Variants in DNAJC1 observed in about 807,000 individuals in gnomAD.
DNAJC1 encodes dnaJ homolog subfamily C member 1.
Under a neutral mutation model 76.6 loss-of-function variants are expected in DNAJC1, and 58 were observed. The observed-to-expected ratio is 0.76, with a 90% CI of 0.61 to 0.94. DNAJC1 has a LOEUF of 0.94. Among genes scored for constraint, DNAJC1 ranks in the 40% least tolerant of loss-of-function variants. The pLI is 0.00. For missense variants in DNAJC1, 689 were observed against 677.3 expected (o/e 1.02, Z -0.19); for synonymous variants, 258 against 267.9 (o/e 0.96, Z 0.36).
intron 1 of DNAJC1, among the ~76,000 whole-genome samples, chr10:21,964,277 C>T (rs1223334183): frequency 4.6e-5 from 7 of 152,142 alleles, no homozygotes; most frequent in South Asian, 4.1e-4. Flanking sequence ...TGCAGTGGCA[C>T]GATCTCGGCC....
intron 1 of DNAJC1, among the ~76,000 whole-genome samples, chr10:21,933,988 G>A (rs915720416): frequency 3.3e-5 from 5 of 151,850 alleles, no homozygotes; most frequent in African/African-American, 1.2e-4. Context: ...TTATTTCAGA[G>A]GGAAATTTAA....
intron 8 of DNAJC1, among the ~76,000 whole-genome samples, chr10:21,868,216 C>A (rs1836040830): frequency 6.7e-6 from 1 of 149,466 alleles, no homozygotes; most frequent in African/African-American, 2.5e-5. Flanking sequence ...TCTCCGCCTC[C>A]TGGGTTCAAG....
At chr10:21,928,177 T>C (rs1247879917) in intron 3 of DNAJC1, among the ~76,000 whole-genome samples, 1 of 152,094 alleles carries the variant, frequency 6.6e-6, no homozygotes, top group Non-Finnish European at 1.5e-5. Context: ...TACTGACATA[T>C]GGGAAGGAAT....
chr10:21,899,600 A>G (rs908976308), intron 7 of DNAJC1, among the ~76,000 whole-genome samples: 1 of 152,182 alleles, frequency 6.6e-6, no homozygotes, highest in Non-Finnish European at 1.5e-5. Context: ...TGCTTCTTTA[A>G]GCGGGACCCC....
intron 1 of DNAJC1, among the ~76,000 whole-genome samples, chr10:21,930,395 T>TA (rs1184492718): frequency 6.6e-6 from 1 of 152,208 alleles, no homozygotes; most frequent in East Asian, 1.9e-4. Flanking sequence ...ACTGTCTAAT[T>TA]AATTCCAAAA....
In DNAJC1 at chr10:21,781,537, C is replaced by T. The variant is rs566337704; in HGVS notation, c.1099-15228G>A. Among the ~76,000 whole-genome samples, 169 of 151,928 alleles carry T rather than the reference C, an allele frequency of 1.1e-3. 1 individual carries two copies. Among genetic ancestry groups the T allele is most frequent in the Admixed American group, 6.0e-3 (91 of 15,256 alleles). On this transcript the variant is annotated intron_variant, in intron 9 of 11. Coordinates refer to ENST00000376980, the MANE Select transcript of DNAJC1 (RefSeq NM_022365.4). ...GAGATCAAGACCATCCTGGCTAACA[C>T]GGTGAAACCCCGTCTCTACTAAAAA... is the stretch of plus-strand genomic sequence containing the variant.
chr10:21,766,697 A>T (rs1353967480), intron 9 of DNAJC1, among the ~76,000 whole-genome samples: 1 of 152,142 alleles, frequency 6.6e-6, no homozygotes, highest in Non-Finnish European at 1.5e-5. Flanking sequence ...AAGGCCGGGC[A>T]TGGTGGCTCA....
At chr10:21,977,209 A>C (rs1246211729) in intron 1 of DNAJC1, among the ~76,000 whole-genome samples, 1 of 152,124 alleles carries the variant, frequency 6.6e-6, no homozygotes, top group Non-Finnish European at 1.5e-5. Flanking sequence ...TCAAGACCTT[A>C]TCTTAGCAAT....
chr10:21,829,794 T>A (rs1462748967), intron 8 of DNAJC1, among the ~76,000 whole-genome samples: 1 of 152,264 alleles, frequency 6.6e-6, no homozygotes, highest in Non-Finnish European at 1.5e-5. Flanking sequence ...TTATTGTGAT[T>A]GAAATATTTG....
chr10:21,929,953 A>G (rs1373809169), intron 1 of DNAJC1, among the ~76,000 whole-genome samples: 3 of 152,346 alleles, frequency 2.0e-5, no homozygotes, highest in Admixed American at 1.3e-4. Flanking sequence ...ATGCATAATA[A>G]TAACAAAGAA....
At chr10:21,830,998 G>A (rs191293240) in intron 8 of DNAJC1, among the ~76,000 whole-genome samples, 169 of 151,978 alleles carry the variant, frequency 1.1e-3, no homozygotes, top group Non-Finnish European at 1.5e-3. Context: ...CTTTCAGATT[G>A]GTTTTCTTAT....
At chr10:21,966,562 T>C (rs766701031) in intron 1 of DNAJC1, among the ~76,000 whole-genome samples, 1 of 152,258 alleles carries the variant, frequency 6.6e-6, no homozygotes, top group Non-Finnish European at 1.5e-5. Flanking sequence ...TGGATATTTA[T>C]TTTATCCTAC....
chr10:21,844,649 T>C (rs917087928), intron 8 of DNAJC1, among the ~76,000 whole-genome samples: 1 of 152,170 alleles, frequency 6.6e-6, no homozygotes, highest in African/African-American at 2.4e-5. Context: ...AGTTTACTAA[T>C]ACATCCACAA....
intron 1 of DNAJC1, among the ~76,000 whole-genome samples, chr10:21,965,171 T>C (rs901051840): frequency 6.6e-6 from 1 of 152,122 alleles, no homozygotes; most frequent in Non-Finnish European, 1.5e-5. Flanking sequence ...TCTGCATCTC[T>C]TTGTTATCTC....
intron 1 of DNAJC1, among the ~76,000 whole-genome samples, chr10:21,999,866 T>C (rs1427996323): frequency 6.6e-6 from 1 of 152,156 alleles, no homozygotes; most frequent in Admixed American, 6.5e-5. Flanking sequence ...TTCAAGTTAC[T>C]CTCTAAGTGC....
chr10:21,960,877 C>T (rs1465394255), intron 1 of DNAJC1, among the ~76,000 whole-genome samples: 1 of 152,122 alleles, frequency 6.6e-6, no homozygotes, highest in Non-Finnish European at 1.5e-5. Context: ...GCACGTTCTG[C>T]ACATGCATTC....
At chr10:21,837,531 T>G (rs1021186586) in intron 8 of DNAJC1, among the ~76,000 whole-genome samples, 1 of 149,894 alleles carries the variant, frequency 6.7e-6, no homozygotes, top group African/African-American at 2.5e-5. Flanking sequence ...CTGCCCCGTC[T>G]GGGATGTGAG....
intron 10 of DNAJC1, 131 bp from the exon 11 acceptor site, chr10:21,759,749 A>T: frequency 1.3e-6 from 1 of 740,984 alleles, no homozygotes; most frequent in Non-Finnish European, 2.2e-6. Flanking sequence ...TTTCATTTCC[A>T]CACTACTCTA....
At chr10:21,895,352 G>A (rs2131735284) in intron 7 of DNAJC1, among the ~76,000 whole-genome samples, 1 of 152,274 alleles carries the variant, frequency 6.6e-6, no homozygotes, top group African/African-American at 2.4e-5. Flanking sequence ...ATTGGAAACT[G>A]GAAGAAGGGC....
Sources: allele counts gnomAD v4.1 joint callset (sites outside exome capture counted in the v4.1 genomes callset), GRCh38; gene constraint gnomAD v4.1.1; transcripts MANE v1.5; gene names NCBI Gene and HGNC (gene_info 2026-07-23, HGNC 2026-07-21).